The following FRMD3 variants were observed in gnomAD, a reference collection of about 807,000 sequenced individuals.
The protein encoded by FRMD3 is FERM domain containing 3, also known as FERM domain-containing protein 3.
FRMD3 carries 33 observed loss-of-function variants against 70.2 expected under a neutral mutation model. The ratio of observed to expected loss-of-function variants is 0.47; its 90% CI spans 0.36 to 0.63. The LOEUF is 0.63. Ranked by LOEUF, FRMD3 falls within the 20% of genes least tolerant of loss-of-function variation. The pLI is 0.00. For synonymous variants in FRMD3, 279 were observed against 255.9 expected (o/e 1.09, Z -0.86); for missense variants, 632 against 711.4 (o/e 0.89, Z 1.27).
intron 1 of FRMD3, among the ~76,000 whole-genome samples, chr9:83,412,913 C>A (rs564779895): frequency 6.6e-6 from 1 of 151,664 alleles, no homozygotes; most frequent in Non-Finnish European, 1.5e-5. Context: ...GAGAATCGCT[C>A]GAACCCGGGA....
the FRMD3 span, among the ~76,000 whole-genome samples, chr9:83,560,136 AT>A: frequency 1.3e-5 from 2 of 152,198 alleles, no homozygotes; most frequent in Non-Finnish European, 2.9e-5. Context: ...TGGATTATTC[AT>A]TCTCTAGCTG....
intron 10 of FRMD3, among the ~76,000 whole-genome samples, chr9:83,303,833 T>C (rs1199615478): frequency 6.6e-6 from 1 of 152,138 alleles, no homozygotes; most frequent in Non-Finnish European, 1.5e-5. Flanking sequence ...TACGAAAACA[T>C]TTTCATCACC....
chr9:83,350,269 T>C (rs1410346612), intron 3 of FRMD3, among the ~76,000 whole-genome samples: 2 of 152,056 alleles, frequency 1.3e-5, no homozygotes, highest in African/African-American at 4.8e-5. Flanking sequence ...CATGCAGAGA[T>C]CCTACTTTGC....
chr9:83,368,007 T>C (rs1824843813), intron 3 of FRMD3, among the ~76,000 whole-genome samples: 1 of 152,224 alleles, frequency 6.6e-6, no homozygotes, highest in African/African-American at 2.4e-5. Context: ...TCTTCTATTA[T>C]ATATTGATAA....
chr9:83,427,688 TCTAA>T (rs1826850387), intron 1 of FRMD3, among the ~76,000 whole-genome samples: 1 of 151,434 alleles, frequency 6.6e-6, no homozygotes, highest in South Asian at 2.1e-4. Flanking sequence ...TATGTATATA[TCTAA>T]CTCAGTGTCT....
chr9:83,572,260 G>A, the FRMD3 span, among the ~76,000 whole-genome samples: 13 of 152,060 alleles, frequency 8.5e-5, no homozygotes, highest in African/African-American at 3.1e-4. Context: ...AAAGAATACT[G>A]TTTCAAGAGA....
chr9:83,467,741 C>G, intron 1 of FRMD3: 1 of 1,518,082 alleles, frequency 6.6e-7, no homozygotes, highest in Non-Finnish European at 8.8e-7. Flanking sequence ...AGCTCTAGGG[C>G]TCCAATCTAA....
chr9:83,426,503 G>A (rs1826816606), intron 1 of FRMD3, among the ~76,000 whole-genome samples: 1 of 152,374 alleles, frequency 6.6e-6, no homozygotes, highest in African/African-American at 2.4e-5. Context: ...CACGCTCTGT[G>A]TCATCGTGTC....
chr9:83,507,099 A>G (rs1260293251), intron 1 of FRMD3, among the ~76,000 whole-genome samples: 16 of 151,892 alleles, frequency 1.1e-4, no homozygotes, highest in Admixed American at 3.3e-4. Context: ...AGTGGCTCAC[A>G]CCTGTAATCC....
chr9:83,535,217 A>G (rs12343731), intron 1 of FRMD3, among the ~76,000 whole-genome samples: 4,765 of 152,304 alleles, frequency 0.031, 280 homozygotes, highest in African/African-American at 0.11. Flanking sequence ...AGAGATGCTC[A>G]AGAAATGGCA....
chr9:83,304,582 C>T (rs1191053058), intron 10 of FRMD3, among the ~76,000 whole-genome samples: 1 of 152,186 alleles, frequency 6.6e-6, no homozygotes, highest in Admixed American at 6.5e-5. Context: ...ACACCAAACT[C>T]TGAATAAGAA....
intron 10 of FRMD3, among the ~76,000 whole-genome samples, chr9:83,303,746 T>C (rs1835010658): frequency 6.6e-6 from 1 of 152,206 alleles, no homozygotes; most frequent in Admixed American, 6.5e-5. Context: ...CCCTTTTAGA[T>C]TGTACACTTT....
intron 5 of FRMD3, among the ~76,000 whole-genome samples, chr9:83,342,570 T>G (rs978551208): frequency 3.3e-5 from 5 of 152,162 alleles, no homozygotes; most frequent in Admixed American, 6.5e-5. Context: ...TTTATGAGAC[T>G]TGTGCTCTCC....
Position 83,245,414 on chromosome 9 carries a change from G to A in FRMD3, c.*2504C>T, listed in dbSNP as rs1832046147. On this transcript the variant is annotated 3_prime_UTR_variant, in exon 14 of 14. Coordinates refer to ENST00000304195, the MANE Select transcript of FRMD3 (RefSeq NM_174938.6). Reference sequence around the variant, plus strand: ...GAGCAAATGGCATTTCAAGATTCCAGTTTAACTTTTGATGGCTGTTTAAAT... The same window carrying A: ...GAGCAAATGGCATTTCAAGATTCCAATTTAACTTTTGATGGCTGTTTAAAT... 1.0e-6 allele frequency: 1 copy of A among 985,366 alleles called. No individual in the cohort carries two copies. The highest frequency in any genetic ancestry group is 5.2e-4 in the Middle Eastern group (1 of 1,914). 61.0% of individuals were successfully genotyped at this position (985,366 alleles called of 1,614,324 possible). A position where few individuals can be genotyped will look rare whatever the true frequency, so the allele number is the denominator to read the frequency against.
the FRMD3 span, among the ~76,000 whole-genome samples, chr9:83,585,446 A>G: frequency 6.6e-6 from 1 of 152,198 alleles, no homozygotes; most frequent in Non-Finnish European, 1.5e-5. Context: ...ACCTGGGCAC[A>G]TTGCTACCTA....
At chr9:83,275,746 A>G (rs1038014960) in intron 13 of FRMD3, among the ~76,000 whole-genome samples, 10 of 152,206 alleles carry the variant, frequency 6.6e-5, no homozygotes, top group African/African-American at 2.4e-4. Context: ...CATGAATAAA[A>G]CTAGGGCCTG....
chr9:83,488,729 A>T (rs936308445), intron 1 of FRMD3, among the ~76,000 whole-genome samples: 3 of 152,132 alleles, frequency 2.0e-5, no homozygotes, highest in African/African-American at 7.2e-5. Flanking sequence ...TCATTGACAA[A>T]TCTCCTTCCA....
Position 83,309,486 on chromosome 9 carries a change from T to A in FRMD3, c.926+50A>T, listed in dbSNP as rs546695023. 13 of 1,104,162 alleles carry A rather than the reference T, an allele frequency of 1.2e-5. No homozygotes were observed. The African/African-American group carries it at 1.9e-4, about 16-fold the overall frequency. The allele number at this position is 1,104,162 out of a possible 1,614,324, so 68.4% of individuals were successfully genotyped here. A position where few individuals can be genotyped will look rare whatever the true frequency, so the allele number is the denominator to read the frequency against. On this transcript the variant is annotated intron_variant, in intron 10 of 13. Coordinates refer to ENST00000304195, the MANE Select transcript of FRMD3 (RefSeq NM_174938.6). ...GCAGCCATTTGCAAAACATAAAGAA[T>A]TCCATGGGTGCTTTTAAAAGCTATA...
the FRMD3 span, among the ~76,000 whole-genome samples, chr9:83,575,066 A>T: frequency 1.3e-5 from 2 of 152,182 alleles, no homozygotes; most frequent in Non-Finnish European, 2.9e-5. Context: ...CTGAAAACAC[A>T]GAATGCAGCC....
Sources: allele counts gnomAD v4.1 joint callset (sites outside exome capture counted in the v4.1 genomes callset), GRCh38; gene constraint gnomAD v4.1.1; transcripts MANE v1.5; gene names NCBI Gene and HGNC (gene_info 2026-07-23, HGNC 2026-07-21).